HDAC4: variants seen among roughly 807,000 people sequenced by gnomAD.
The protein encoded by HDAC4 is histone deacetylase A.
A neutral mutation model predicts 135.1 loss-of-function variants in HDAC4; 16 were observed. The ratio of observed to expected loss-of-function variants is 0.12; its 90% CI spans 0.08 to 0.18. The LOEUF is 0.18. Among genes scored for constraint, HDAC4 ranks in the 10% least tolerant of loss-of-function variants. HDAC4 has a pLI of 1.00. For missense variants in HDAC4, 1,143 were observed against 1,511.8 expected, an observed-to-expected ratio of 0.76 and a Z score of 4.05; for synonymous variants, 685 against 653.4, an observed-to-expected ratio of 1.05 and a Z score of -0.74.
At chr2:239,302,274 G>A (rs1025839340) in intron 2 of HDAC4, among the ~76,000 whole-genome samples, 1 of 152,140 alleles carries the variant, frequency 6.6e-6, no homozygotes, top group Non-Finnish European at 1.5e-5. Flanking sequence ...TTAGCCAAAG[G>A]AGGCATCAAG....
chr2:239,162,649 C>T (rs2042883214), intron 6 of HDAC4, among the ~76,000 whole-genome samples: 1 of 152,158 alleles, frequency 6.6e-6, no homozygotes, highest in Admixed American at 6.5e-5. Context: ...CGGTCTCACT[C>T]CTCCTTGCAA....
intron 3 of HDAC4, among the ~76,000 whole-genome samples, chr2:239,191,556 T>G (rs2044957899): frequency 6.6e-6 from 1 of 152,166 alleles, no homozygotes; most frequent in African/African-American, 2.4e-5. Flanking sequence ...AGCCTTCTCC[T>G]GAGAAAAGGG....
At chr2:239,327,586 A>T (rs1266235571) in intron 2 of HDAC4, among the ~76,000 whole-genome samples, 1 of 152,246 alleles carries the variant, frequency 6.6e-6, no homozygotes, top group Non-Finnish European at 1.5e-5. Flanking sequence ...GGCAGAAAAC[A>T]AGTCGAAACT....
chr2:239,339,050 G>C (rs974423201), intron 2 of HDAC4, among the ~76,000 whole-genome samples: 3 of 152,210 alleles, frequency 2.0e-5, no homozygotes, highest in African/African-American at 7.2e-5. Flanking sequence ...AGAAAATACA[G>C]AATCTGGCTT....
intron 6 of HDAC4, among the ~76,000 whole-genome samples, chr2:239,157,433 A>G (rs2042497286): frequency 6.6e-6 from 1 of 152,210 alleles, no homozygotes; most frequent in African/African-American, 2.4e-5. Context: ...CTGTATGAAC[A>G]GCTGGGTACA....
At chr2:239,353,645 G>C (rs575946956) in intron 1 of HDAC4, among the ~76,000 whole-genome samples, 2 of 152,168 alleles carry the variant, frequency 1.3e-5, no homozygotes, top group African/African-American at 4.8e-5. Context: ...TCATCCCCTG[G>C]TTCAAAATAT....
intron 11 of HDAC4, among the ~76,000 whole-genome samples, chr2:239,127,473 T>G (rs964674898): frequency 6.6e-6 from 1 of 152,222 alleles, no homozygotes; most frequent in East Asian, 1.9e-4. Context: ...AAATTGTTGG[T>G]TTAGGTCGTT....
intron 4 of HDAC4, among the ~76,000 whole-genome samples, chr2:239,184,284 T>TCG (rs2044347750): frequency 6.7e-6 from 1 of 149,808 alleles, no homozygotes; most frequent in Admixed American, 6.6e-5. Flanking sequence ...CTGTGCCCTA[T>TCG]GGGGGGGTCC....
intron 5 of HDAC4, among the ~76,000 whole-genome samples, chr2:239,169,436 G>A (rs1043629237): frequency 2.6e-5 from 4 of 152,348 alleles, no homozygotes; most frequent in Admixed American, 1.3e-4. Flanking sequence ...CACGGGGACC[G>A]CGTGCTATTG....
At position 239,313,436 on chromosome 2, in the gene HDAC4, C is replaced by T. The variant is rs1207486320; in HGVS notation, c.22+39242G>A. ...TTAGAACCAAGTATCCCCAGGCTGC[C>T]CAGGAGCCCGCTCCTCCAATTGGGG... On this transcript the variant is annotated intron_variant, in intron 2 of 26. Transcript: ENST00000543185. This position sits in a 1 kb window ranked among gnomAD's most constrained non-coding sequence, Gnocchi z 5.1. Among the ~76,000 whole-genome samples the T allele has an allele frequency of 1.3e-5, 2 of 152,164 alleles. No individual in the cohort carries two copies. Among genetic ancestry groups the T allele is most frequent in the South Asian group, 2.1e-4 (1 of 4,812 alleles).
At chr2:239,144,191 A>G (rs957997928) in intron 8 of HDAC4, among the ~76,000 whole-genome samples, 1 of 152,192 alleles carries the variant, frequency 6.6e-6, no homozygotes, top group African/African-American at 2.4e-5. Context: ...TGGTTCAGAC[A>G]CTGCTCAGGG....
chr2:239,387,542 T>C (rs1695904073), intron 1 of HDAC4, among the ~76,000 whole-genome samples: 1 of 152,236 alleles, frequency 6.6e-6, no homozygotes. Context: ...CACAGCACTC[T>C]GTGACCAGAG....
chr2:239,110,818 T>G (rs529850412), intron 14 of HDAC4, among the ~76,000 whole-genome samples: 4 of 152,224 alleles, frequency 2.6e-5, no homozygotes, highest in Non-Finnish European at 5.9e-5. Context: ...TCCTCTCCCC[T>G]GCAGGGGTGG....
rs1238658635 is a variant in HDAC4 at position 239,331,626 on chromosome 2, C to T, written c.22+21052G>A. On this transcript the variant is annotated intron_variant, in intron 2 of 26. Coordinates refer to ENST00000543185, the MANE Select transcript of HDAC4 (RefSeq NM_001378414.1). This position sits in a 1 kb window ranked among gnomAD's most constrained non-coding sequence, Gnocchi z 4.5. ...AGGTGAGCGAACTGCAATGACACGT[C>T]GCCAGGGCTGCACTGGACCCACCGT... Among the ~76,000 whole-genome samples the T allele has an allele frequency of 1.3e-5, 2 of 152,118 alleles. No individual in the cohort carries two copies. The highest frequency in any genetic ancestry group is 1.9e-4 in the East Asian group (1 of 5,190).
In HDAC4 at chr2:239,115,529, G is replaced by A. The variant is rs900208338; in HGVS notation, c.1534-219C>T. On this transcript the variant is annotated intron_variant, in intron 12 of 26. Coordinates refer to ENST00000543185, the MANE Select transcript of HDAC4 (RefSeq NM_001378414.1). The surrounding 1 kb of genome is among the most constrained non-coding windows in gnomAD (Gnocchi z 6.3). ...TAATGCCCAGTAGGACCCCAGCCCA[G>A]GGTCAAGGTGACCTGGCCCAGGGAA... Among the ~76,000 whole-genome samples, 1 of 152,102 alleles carries A rather than the reference G, an allele frequency of 6.6e-6. No individual in the cohort carries two copies. Among genetic ancestry groups the A allele is most frequent in the Non-Finnish European group, 1.5e-5 (1 of 68,032 alleles).
chr2:239,327,225 TACCC>T (rs2053497396), intron 2 of HDAC4, among the ~76,000 whole-genome samples: 1 of 152,190 alleles, frequency 6.6e-6, no homozygotes, highest in Non-Finnish European at 1.5e-5. Context: ...AGCCTAGCCG[TACCC>T]ACCTGGGAGG....
At chr2:239,111,855 G>A (rs774282991) in intron 13 of HDAC4, 143 bp from the exon 14 acceptor site, 13 of 760,960 alleles carry the variant, frequency 1.7e-5, no homozygotes, top group South Asian at 5.0e-5. Context: ...GGCCAGCTGC[G>A]TGGAGAGGCC....
At chr2:239,289,712 G>A (rs1320081493) in intron 2 of HDAC4, among the ~76,000 whole-genome samples, 1 of 152,080 alleles carries the variant, frequency 6.6e-6, no homozygotes, top group East Asian at 1.9e-4. Flanking sequence ...GGGAGCCCAC[G>A]GAGAGCAGAG....
chr2:239,069,684 CT>C (rs1213363552), intron 22 of HDAC4, among the ~76,000 whole-genome samples: 12 of 112,198 alleles, frequency 1.1e-4, no homozygotes, highest in African/African-American at 3.6e-4. Context: ...CCCCACTGCA[CT>C]TGCTTGGTGA....
Sources: gnomAD v4.1 joint callset for allele counts (sites outside exome capture counted in the v4.1 genomes callset) on GRCh38, gnomAD v4.1.1 for gene constraint, Gnocchi (gnomAD v3.1) non-coding constraint, MANE v1.5 for transcripts, NCBI Gene and HGNC (gene_info 2026-07-23, HGNC 2026-07-21) for gene names.